DDX3Y: variants seen among roughly 807,000 people sequenced by gnomAD.
DDX3Y encodes the protein DEAD-box helicase 3 Y-linked.
Under a neutral mutation model 15.1 loss-of-function variants are expected in DDX3Y, and 2 were observed. The observed-to-expected ratio is 0.13, with a 90% CI of 0.05 to 0.42. The LOEUF is 0.42. DDX3Y is among the 10% of genes least tolerant of loss of function. The pLI is 0.99. For missense variants in DDX3Y, 81 were observed against 149.9 expected (o/e 0.54, Z 2.40); for synonymous variants, 47 against 45.0 (o/e 1.04, Z -0.18).
intron 2 of DDX3Y, among the ~76,000 whole-genome samples, chrY:12,908,364 A>T: frequency 2.9e-5 from 1 of 34,002 alleles, no homozygotes; most frequent in Non-Finnish European, 7.3e-5. Context: ...TATGCTTTGA[A>T]ACAAAACAAA....
At position 12,916,888 on chromosome Y, in the gene DDX3Y, C is replaced by CT; in HGVS notation, c.1610-12dup. 1 of 379,154 alleles carries CT rather than the reference C, an allele frequency of 2.6e-6. No homozygotes were observed. Among genetic ancestry groups the CT allele is most frequent in the Non-Finnish European group, 3.7e-6 (1 of 271,262 alleles). The allele number at this position is 379,154 out of a possible 400,897, so 94.6% of individuals were successfully genotyped here. ...CACTACTTTATGGAAACTTCATGTACTTTTTTTGAACACTTTAGGCCTTGC... is the reference window on the plus strand; with the variant it reads ...CACTACTTTATGGAAACTTCATGTACTTTTTTTTGAACACTTTAGGCCTTGC... On this transcript the variant is annotated intron_variant, in intron 14 of 16. Coordinates refer to ENST00000336079, the MANE Select transcript of DDX3Y (RefSeq NM_004660.5).
Position 12,912,724 on chromosome Y carries a change from C to T in DDX3Y, c.282-3C>T. Reference sequence around the variant, plus strand: ...TGTACTTCTGATTGCTTGTGCTATTCAGATTTGATGATCGTGGACGGAGTG... The same window carrying T: ...TGTACTTCTGATTGCTTGTGCTATTTAGATTTGATGATCGTGGACGGAGTG... On this transcript the variant is annotated splice_region_variant and splice_polypyrimidine_tract_variant and intron_variant, in intron 4 of 16. Transcript: ENST00000336079. 2.5e-6 allele frequency: 1 copy of T among 397,941 alleles called. No homozygotes were observed.
chrY:12,913,265 A>G, intron 6 of DDX3Y, among the ~76,000 whole-genome samples: 1 of 33,602 alleles, frequency 3.0e-5, no homozygotes. Context: ...ATCTGAGCTC[A>G]CTGCATCCTC....
chrY:12,910,446 G>A lies in DDX3Y; in HGVS notation c.151+1039G>A, dbSNP rs748124551. Among the ~76,000 whole-genome samples the A allele has an allele frequency of 1.2e-4, 4 of 33,793 alleles. No individual in the cohort carries two copies. In the South Asian group the frequency reaches 2.6e-3, roughly 22 times the overall value. The allele number at this position is 33,793 out of a possible 37,273, so 90.7% of individuals were successfully genotyped here. A position where few individuals can be genotyped will look rare whatever the true frequency, so the allele number is the denominator to read the frequency against. On this transcript the variant is annotated intron_variant, in intron 3 of 16. Transcript: ENST00000336079. Reference sequence around the variant, plus strand: ...CATTGAAATGTTTGAATTTAGGTAAGTGTGTGGTTGTGAAGTGAGTTTACT... The same window carrying A: ...CATTGAAATGTTTGAATTTAGGTAAATGTGTGGTTGTGAAGTGAGTTTACT...
intron 15 of DDX3Y, 113 bp downstream of exon 15, chrY:12,917,173 G>T: frequency 3.9e-6 from 1 of 258,727 alleles, no homozygotes; most frequent in Non-Finnish European, 5.9e-6. Context: ...AACATTTTGG[G>T]CAAGGGATGA....
chrY:12,914,719 A>C, intron 8 of DDX3Y, 70 bp downstream of exon 8: 1 of 285,541 alleles, frequency 3.5e-6, no homozygotes. Flanking sequence ...TGACTTTTCT[A>C]ACGGATGCCA....
chrY:12,913,663 A>G, intron 6 of DDX3Y, 55 bp from the exon 7 acceptor site: 1 of 359,274 alleles, frequency 2.8e-6, no homozygotes, highest in Non-Finnish European at 4.0e-6. Context: ...TATATCTGCT[A>G]TGTTTACTTC....
At position 12,904,901 on chromosome Y, in the gene DDX3Y, A is replaced by T. The variant is rs755996147; in HGVS notation, c.-36A>T. 2.5e-6 allele frequency: 1 copy of T among 393,592 alleles called. No individual in the cohort carries two copies. The highest frequency in any genetic ancestry group is 6.3e-5 in the African/African-American group (1 of 15,785). The stretch of plus-strand genomic sequence containing the variant: ...AGTTCCGCTATTCGGTCTCACACCT[A>T]CAGTGGACTACCCGATTTTTCGCTT... On this transcript the variant is annotated 5_prime_UTR_variant, in exon 1 of 17. Transcript: ENST00000336079.
At chrY:12,909,584 G>T (rs2053622038) in intron 3 of DDX3Y, 177 bp downstream of exon 3, 3 of 104,504 alleles carry the variant, frequency 2.9e-5, no homozygotes, top group Non-Finnish European at 3.6e-5. Context: ...GTTGAATGAT[G>T]GATAGTTGTT....
In DDX3Y at chrY:12,915,727, G is replaced by A; in HGVS notation, c.1117G>A (p.Val373Ile). The A allele has an allele frequency of 7.5e-6, 3 of 398,628 alleles. No individual in the cohort carries two copies. The highest frequency in any genetic ancestry group is 7.1e-6 in the Non-Finnish European group (2 of 283,381). ...VEQDTMPPKG[V>I]RHTMMFSATF... The stretch of plus-strand genomic sequence containing the variant: ...ACAAGATACTATGCCACCAAAGGGC[G>A]TTCGTCACACCATGATGTTTAGTGC... The change falls in exon 11 of 17, where the codon GTT becomes ATT. Residue 373 changes from valine (V) to isoleucine (I), a missense_variant. Val to Ile is a conservative substitution (Grantham distance 29). Coordinates refer to ENST00000336079, the MANE Select transcript of DDX3Y (RefSeq NM_004660.5).
In DDX3Y at chrY:12,912,806, G is replaced by A; in HGVS notation, c.361G>A (p.Gly121Arg). 1 of 398,620 alleles carries A rather than the reference G, an allele frequency of 2.5e-6. No homozygotes were observed. The highest frequency in any genetic ancestry group is 3.5e-6 in the Non-Finnish European group (1 of 283,321). ...TGGCTTTGGCAGATTTGAACGGAGTGGACATAGTCGTTGGTGTGACAAGTC... is the reference window on the plus strand; with the variant it reads ...TGGCTTTGGCAGATTTGAACGGAGTAGACATAGTCGTTGGTGTGACAAGTC... The part of the protein sequence containing the change: ...RPGFGRFERS[G>R]HSRWCDKSVE... The change falls in exon 5 of 17, where the codon GGA (glycine) becomes AGA (arginine). Residue 121 changes from glycine to arginine, a missense_variant. By Grantham distance (125) the Gly-to-Arg change is moderately radical. Coordinates refer to ENST00000336079, the MANE Select transcript of DDX3Y (RefSeq NM_004660.5).
chrY:12,909,333 C>G, intron 2 of DDX3Y, 27 bp from the exon 3 acceptor site: 1 of 377,055 alleles, frequency 2.7e-6, no homozygotes, highest in Non-Finnish European at 3.7e-6. Flanking sequence ...ATGTTATAGG[C>G]TTCTAATTTT....
intron 3 of DDX3Y, among the ~76,000 whole-genome samples, chrY:12,911,504 A>G (rs2053627947): frequency 3.0e-5 from 1 of 33,676 alleles, no homozygotes. Flanking sequence ...CTCATCTTAA[A>G]TAATTTAATT....
chrY:12,905,750 C>T, intron 1 of DDX3Y: 1 of 313,494 alleles, frequency 3.2e-6, no homozygotes, highest in Non-Finnish European at 4.3e-6. Flanking sequence ...AGGATGGCTG[C>T]CGCGTGCTTC....
In DDX3Y at chrY:12,919,762, T is replaced by C; in HGVS notation, c.*1640T>C. 1 of 33,786 alleles carries C rather than the reference T, an allele frequency of 3.0e-5. No individual in the cohort carries two copies. Among genetic ancestry groups the C allele is most frequent in the African/African-American group, 1.2e-4 (1 of 8,609 alleles). 8.4% of individuals were successfully genotyped at this position (33,786 alleles called of 400,897 possible). On this transcript the variant is annotated 3_prime_UTR_variant, in exon 17 of 17. Transcript: ENST00000336079. ...TGAAGAAGTAGATTCCTAAATTTTA[T>C]TGGGGACCATGGAATGGTAGTTGAG...
At chrY:12,908,095 CCTA>C (rs2053617159) in intron 2 of DDX3Y, among the ~76,000 whole-genome samples, 1 of 34,586 alleles carries the variant, frequency 2.9e-5, no homozygotes. Context: ...ATGTGCTACA[CCTA>C]CTGCTGTTGC....
chrY:12,907,894 G>A, intron 2 of DDX3Y, among the ~76,000 whole-genome samples: 2 of 33,677 alleles, frequency 5.9e-5, no homozygotes, highest in South Asian at 1.3e-3. Flanking sequence ...TCAGGCCACT[G>A]CACTCCAGCA....
chrY:12,909,038 A>G (rs2053620280), intron 2 of DDX3Y, among the ~76,000 whole-genome samples: 1 of 33,212 alleles, frequency 3.0e-5, no homozygotes, highest in Non-Finnish European at 7.4e-5. Flanking sequence ...AGTATAGCAC[A>G]TAAGAGTCTT....
intron 1 of DDX3Y, chrY:12,905,608 C>G: frequency 8.7e-6 from 1 of 115,473 alleles, no homozygotes; most frequent in Non-Finnish European, 1.7e-5. Flanking sequence ...TATCCTGTAT[C>G]TTGTTTCTGG....
Sources: allele counts gnomAD v4.1 joint callset (sites outside exome capture counted in the v4.1 genomes callset), GRCh38; gene constraint gnomAD v4.1.1; transcripts MANE v1.5; gene names NCBI Gene and HGNC (gene_info 2026-07-23, HGNC 2026-07-21).